The following ESYT3 variants were observed in gnomAD, a reference collection of about 807,000 sequenced individuals.
ESYT3 encodes the protein extended synaptotagmin-3.
A neutral mutation model predicts 111.5 loss-of-function variants in ESYT3; 101 were observed. That is an observed-to-expected ratio of 0.91 (90% CI 0.77 to 1.07). The LOEUF (loss-of-function observed/expected upper bound fraction) is 1.07, where lower values mean the gene tolerates loss of function less well. Ranked by LOEUF, ESYT3 falls within the 50% of genes least tolerant of loss-of-function variation. The pLI is 0.00. For missense variants in ESYT3, 1,097 were observed against 1,109.4 expected (o/e 0.99, Z 0.16); for synonymous variants, 416 against 446.8 (o/e 0.93, Z 0.87).
Position 138,475,389 on chromosome 3 carries a change from T to C in ESYT3, c.2469-834T>C, listed in dbSNP as rs1188330486. On this transcript the variant is annotated intron_variant, in intron 20 of 22. Coordinates refer to ENST00000389567, the MANE Select transcript of ESYT3 (RefSeq NM_031913.5). ...AATCTGTTACTAATTCTCAAAAGTA[T>C]GACAGCAAGATAAGCCTGGACTATC... Among the ~76,000 whole-genome samples the C allele has an allele frequency of 2.6e-5, 4 of 152,200 alleles. No individual in the cohort carries two copies. In the South Asian group the frequency reaches 6.2e-4, roughly 24 times the overall value.
intron 1 of ESYT3, among the ~76,000 whole-genome samples, chr3:138,439,604 C>T (rs1422564685): frequency 6.6e-6 from 1 of 152,158 alleles, no homozygotes; most frequent in East Asian, 1.9e-4. Context: ...TTCACTGACC[C>T]GTGAATTTCC....
intron 7 of ESYT3, among the ~76,000 whole-genome samples, 162 bp from the exon 8 acceptor site, chr3:138,461,924 A>T (rs2032662543): frequency 6.6e-6 from 1 of 152,082 alleles, no homozygotes; most frequent in Non-Finnish European, 1.5e-5. Context: ...GTCACGATGT[A>T]TAGGCACACC....
intron 8 of ESYT3, 123 bp downstream of exon 8, chr3:138,462,329 T>G: frequency 7.3e-7 from 1 of 1,361,912 alleles, no homozygotes; most frequent in Non-Finnish European, 1.0e-6. Flanking sequence ...AGAAAAATGG[T>G]ACAAACACCA....
chr3:138,457,463 G>A (rs2032353691), intron 3 of ESYT3, 105 bp from the exon 4 acceptor site: 2 of 938,730 alleles, frequency 2.1e-6, no homozygotes, highest in African/African-American at 1.6e-5. Flanking sequence ...TTGGAAGTAT[G>A]GTGGTCATGC....
At position 138,479,536 on chromosome 3, in the gene ESYT3, G is replaced by T. The variant is rs1421001688; in HGVS notation, c.*2682G>T. ...TGATGTTTGGCTTTGCCAATAGGGG[G>T]CGATGGAAGGACACTCTATAGCAGG... On this transcript the variant is annotated 3_prime_UTR_variant, in exon 23 of 23. Coordinates refer to ENST00000389567, the MANE Select transcript of ESYT3 (RefSeq NM_031913.5). 1.3e-5 allele frequency: 2 copies of T among 152,214 alleles called. No individual in the cohort carries two copies. The highest frequency in any genetic ancestry group is 2.9e-5 in the Non-Finnish European group (2 of 68,050). The allele number at this position is 152,214 out of a possible 1,614,324, so 9.4% of individuals were successfully genotyped here.
At chr3:138,467,526 G>A (rs763125797) in intron 10 of ESYT3, 35 bp from the exon 11 acceptor site, 6 of 1,612,518 alleles carry the variant, frequency 3.7e-6, no homozygotes, top group East Asian at 2.2e-5. Context: ...TTCTTCCTCT[G>A]AGCTGACCCA....
intron 2 of ESYT3, 124 bp from the exon 3 acceptor site, chr3:138,455,070 C>T (rs2032189745): frequency 1.2e-5 from 13 of 1,113,758 alleles, no homozygotes; most frequent in Non-Finnish European, 1.7e-5. Context: ...CAGGTGAGTG[C>T]TGCAGCATAG....
chr3:138,460,082 A>G, intron 6 of ESYT3, 48 bp downstream of exon 6: 1 of 1,539,222 alleles, frequency 6.5e-7, no homozygotes, highest in Non-Finnish European at 9.0e-7. Context: ...GGGAGTAGGC[A>G]CTGGTCTGCT....
intron 15 of ESYT3, 94 bp from the exon 16 acceptor site, chr3:138,469,966 A>T: frequency 9.4e-7 from 1 of 1,062,924 alleles, no homozygotes. Context: ...AAGGTTCCCA[A>T]TGGTACCTGG....
At chr3:138,448,455 A>G (rs2031704830) in intron 1 of ESYT3, among the ~76,000 whole-genome samples, 1 of 151,352 alleles carries the variant, frequency 6.6e-6, no homozygotes, top group African/African-American at 2.5e-5. Context: ...TAGATTCCCA[A>G]GTCAAGGAAA....
chr3:138,471,135 A>T (rs1367841951), intron 17 of ESYT3, 109 bp downstream of exon 17: 1 of 852,036 alleles, frequency 1.2e-6, no homozygotes, highest in African/African-American at 1.7e-5. Context: ...AGAAGCCAGG[A>T]GATGGATTCA....
chr3:138,473,429 A>G, intron 18 of ESYT3, 107 bp from the exon 19 acceptor site: 4 of 927,236 alleles, frequency 4.3e-6, no homozygotes, highest in South Asian at 1.6e-5. Flanking sequence ...TTATTATCCT[A>G]CATGGCTCTA....
chr3:138,462,492 T>C lies in ESYT3; in HGVS notation c.915+286T>C, dbSNP rs559861253. 1.5e-5 allele frequency: 8 copies of C among 534,324 alleles called. No homozygotes were observed. In the African/African-American group the frequency reaches 1.5e-4, roughly 10 times the overall value. The allele number at this position is 534,324 out of a possible 1,614,324, so 33.1% of individuals were successfully genotyped here. ...ATATTTACATTGACTTGTTTCATTC[T>C]GGTCTCCATTTTTAGGGTTTTATAC... On this transcript the variant is annotated intron_variant, in intron 8 of 22. Coordinates refer to ENST00000389567, the MANE Select transcript of ESYT3 (RefSeq NM_031913.5).
chr3:138,442,459 G>T (rs1175938929), intron 1 of ESYT3, among the ~76,000 whole-genome samples: 1 of 152,134 alleles, frequency 6.6e-6, no homozygotes, highest in African/African-American at 2.4e-5. Context: ...CACACGGCTA[G>T]CGGAGGTGGG....
At chr3:138,443,840 A>C (rs2031344223) in intron 1 of ESYT3, among the ~76,000 whole-genome samples, 1 of 151,850 alleles carries the variant, frequency 6.6e-6, no homozygotes, top group Admixed American at 6.6e-5. Context: ...CCTTTAAGTG[A>C]GGCTCCTTAG....
At chr3:138,474,788 G>C (rs941008257) in intron 20 of ESYT3, 4 of 153,752 alleles carry the variant, frequency 2.6e-5, no homozygotes, top group African/African-American at 9.6e-5. Context: ...GGGTAGAGGA[G>C]ATACCCTCCC....
chr3:138,469,393 T>G, intron 14 of ESYT3, 43 bp from the exon 15 acceptor site: 1 of 1,563,924 alleles, frequency 6.4e-7, no homozygotes, highest in Non-Finnish European at 8.8e-7. Context: ...CAAGCTGATA[T>G]TGACTATGCC....
intron 9 of ESYT3, 70 bp downstream of exon 9, chr3:138,464,585 C>A: frequency 6.5e-7 from 1 of 1,535,092 alleles, no homozygotes; most frequent in South Asian, 1.2e-5. Flanking sequence ...CCAGGGGCAA[C>A]ACTAGGCAGG....
Position 138,455,302 on chromosome 3 carries a change from T to C in ESYT3, c.478T>C (p.Phe160Leu). The C allele has an allele frequency of 6.2e-7, 1 of 1,614,036 alleles. No individual in the cohort carries two copies. The highest frequency in any genetic ancestry group is 1.3e-5 in the African/African-American group (1 of 75,006). The part of the protein sequence containing the change: ...EKSIHLRTFT[F>L]TKLYFGQKCP... Reference sequence around the variant, plus strand: ...GAGCATCCACCTGAGGACCTTTACCTTTACCAAGCTCTACTTTGGACAGAA... The same window carrying C: ...GAGCATCCACCTGAGGACCTTTACCCTTACCAAGCTCTACTTTGGACAGAA... The change falls in exon 3 of 23, where the codon TTT (phenylalanine) becomes CTT (leucine). Residue 160 changes from phenylalanine (F) to leucine (L), a missense_variant. Coordinates refer to ENST00000389567, the MANE Select transcript of ESYT3 (RefSeq NM_031913.5).
Sources: allele counts gnomAD v4.1 joint callset (sites outside exome capture counted in the v4.1 genomes callset), GRCh38; gene constraint gnomAD v4.1.1; transcripts MANE v1.5; gene names NCBI Gene and HGNC (gene_info 2026-07-23, HGNC 2026-07-21).